TC2N: variants seen among roughly 807,000 people sequenced by gnomAD.
The protein encoded by TC2N is tandem C2 domains, nuclear.
In TC2N, 51 loss-of-function variants were observed where a neutral mutation model predicts 61.9. The observed-to-expected ratio is 0.82, with a 90% CI of 0.66 to 1.04. The LOEUF is 1.04. Among genes scored for constraint, TC2N ranks in the 50% least tolerant of loss-of-function variants. The probability of loss-of-function intolerance (pLI) is 0.00; values close to 1 mark genes in which losing one functional copy is unlikely to be tolerated. For missense variants in TC2N, 556 were observed against 566.7 expected (o/e 0.98, Z 0.19); for synonymous variants, 204 against 192.6 (o/e 1.06, Z -0.49).
rs1005167334 is a variant in TC2N at position 91,785,188 on chromosome 14, C to G, written c.1336G>C (p.Val446Leu). 3.7e-6 allele frequency: 6 copies of G among 1,613,240 alleles called. No individual in the cohort carries two copies. The African/African-American group carries it at 8.0e-5, about 22-fold the overall frequency. The change falls in exon 11 of 12, where the codon GTA (valine) becomes CTA (leucine). Residue 446 changes from valine to leucine, a missense_variant. Val to Leu is a conservative substitution (Grantham distance 32). Coordinates refer to ENST00000435962, the MANE Select transcript of TC2N (RefSeq NM_001128596.3). Reference sequence around the variant, plus strand: ...TGGCCCACAAAGTGTTTTCTTCTTACAGAGCTTCGACTGTAAAGCTTAATG... The same window carrying G: ...TGGCCCACAAAGTGTTTTCTTCTTAGAGAGCTTCGACTGTAAAGCTTAATG... ...FLIKLYSRSSVRRKHFVGQIW... is the reference protein window; with the variant it reads ...FLIKLYSRSSLRRKHFVGQIW...
At chr14:91,792,630 AT>A in intron 8 of TC2N, 72 bp from the exon 9 acceptor site, 1 of 696,556 alleles carries the variant, frequency 1.4e-6, no homozygotes, top group Non-Finnish European at 2.1e-6. Context: ...ATAATATTTT[AT>A]TTTATATTTA....
chr14:91,857,923 A>G (rs1021826275), intron 1 of TC2N, among the ~76,000 whole-genome samples: 1 of 152,148 alleles, frequency 6.6e-6, no homozygotes, highest in African/African-American at 2.4e-5. Flanking sequence ...CCCAGAACAG[A>G]GTAGAAGCTT....
chr14:91,809,440 A>T (rs991291313), intron 3 of TC2N, among the ~76,000 whole-genome samples: 1 of 152,130 alleles, frequency 6.6e-6, no homozygotes, highest in Non-Finnish European at 1.5e-5. Flanking sequence ...AATTTAAAAA[A>T]TCACTCCTAC....
intron 3 of TC2N, among the ~76,000 whole-genome samples, chr14:91,807,286 G>C (rs1886554261): frequency 6.6e-6 from 1 of 152,188 alleles, no homozygotes; most frequent in Non-Finnish European, 1.5e-5. Context: ...TAGTAGAGCT[G>C]TGAGAAGAAG....
chr14:91,831,961 T>A (rs1026633364), intron 1 of TC2N, among the ~76,000 whole-genome samples: 1 of 152,106 alleles, frequency 6.6e-6, no homozygotes, highest in Admixed American at 6.5e-5. Context: ...CAACTATATA[T>A]AAAACGTGTT....
chr14:91,814,569 GAGGTA>G (rs1886927477), intron 1 of TC2N, among the ~76,000 whole-genome samples: 2 of 150,730 alleles, frequency 1.3e-5, no homozygotes, highest in Non-Finnish European at 3.0e-5. Flanking sequence ...GATGGAGAAA[GAGGTA>G]AGAAAAGGAG....
chr14:91,791,464 T>C (rs900771950), intron 9 of TC2N, among the ~76,000 whole-genome samples: 1 of 152,178 alleles, frequency 6.6e-6, no homozygotes, highest in Non-Finnish European at 1.5e-5. Context: ...TTTATAAACA[T>C]TATCCTAACA....
chr14:91,806,957 C>T (rs191533154), intron 3 of TC2N, among the ~76,000 whole-genome samples: 2 of 152,320 alleles, frequency 1.3e-5, no homozygotes, highest in Non-Finnish European at 2.9e-5. Flanking sequence ...TGTGTGCAGC[C>T]TAGGGACTTG....
In TC2N at chr14:91,780,814, T is replaced by G. The variant is rs557258000; in HGVS notation, c.*2286A>C. The G allele has an allele frequency of 6.6e-6, 1 of 152,164 alleles. No individual in the cohort carries two copies. The highest frequency in any genetic ancestry group is 1.5e-5 in the Non-Finnish European group (1 of 68,002). The allele number at this position is 152,164 out of a possible 1,614,324, so 9.4% of individuals were successfully genotyped here. ...ATATGCATACCTATTAGCAGGAGATTGGATTTTTATTTATAGGTCCACATA... is the reference window on the plus strand; with the variant it reads ...ATATGCATACCTATTAGCAGGAGATGGGATTTTTATTTATAGGTCCACATA... On this transcript the variant is annotated 3_prime_UTR_variant, in exon 12 of 12. Transcript: ENST00000435962.
At chr14:91,845,232 AAAATAAATAAATAAATAAAT>A (rs3030732) in intron 1 of TC2N, among the ~76,000 whole-genome samples, 2,245 of 147,146 alleles carry the variant, frequency 0.015, 42 homozygotes, top group African/African-American at 0.044. Flanking sequence ...ACTCCATCTC[AAAATAAATAAATAAATAAAT>A]AAATAAATAA....
intron 3 of TC2N, among the ~76,000 whole-genome samples, chr14:91,808,156 T>C (rs1353099565): frequency 6.6e-6 from 1 of 152,212 alleles, no homozygotes; most frequent in Non-Finnish European, 1.5e-5. Context: ...CTCAGGTATG[T>C]ATTCATCAGC....
Position 91,862,754 on chromosome 14 carries a change from C to T in TC2N, c.-57+4508G>A, listed in dbSNP as rs920614381. Among the ~76,000 whole-genome samples the T allele has an allele frequency of 4.6e-5, 7 of 152,346 alleles. No homozygotes were observed. In the South Asian group the frequency reaches 1.4e-3, roughly 32 times the overall value. The stretch of plus-strand genomic sequence containing the variant: ...TATTGTTCCAAAACTTCTTGGAGTA[C>T]ACCTGGGAACTCTTCACCACCTACT... On this transcript the variant is annotated intron_variant, in intron 1 of 11. Coordinates refer to ENST00000435962, the MANE Select transcript of TC2N (RefSeq NM_001128596.3).
At chr14:91,866,792 C>T (rs1888711441) in intron 1 of TC2N, among the ~76,000 whole-genome samples, 1 of 152,222 alleles carries the variant, frequency 6.6e-6, no homozygotes, top group Non-Finnish European at 1.5e-5. Flanking sequence ...GATCAGAGAG[C>T]AGGCTCATCC....
At chr14:91,803,894 A>C (rs1429520600) in intron 3 of TC2N, among the ~76,000 whole-genome samples, 1 of 152,240 alleles carries the variant, frequency 6.6e-6, no homozygotes, top group Non-Finnish European at 1.5e-5. Flanking sequence ...ATATGCATCC[A>C]AGTACTAACC....
chr14:91,787,132 G>GAT (rs1247208017), intron 10 of TC2N, among the ~76,000 whole-genome samples: 2 of 152,040 alleles, frequency 1.3e-5, no homozygotes, highest in East Asian at 1.9e-4. Context: ...GTTTGTTTTT[G>GAT]ATATATATAT....
intron 1 of TC2N, among the ~76,000 whole-genome samples, chr14:91,853,498 T>C (rs1888416192): frequency 6.6e-6 from 1 of 152,246 alleles, no homozygotes; most frequent in African/African-American, 2.4e-5. Flanking sequence ...CCCAGGTAAG[T>C]GATTACAAAC....
intron 11 of TC2N, 61 bp from the exon 12 acceptor site, chr14:91,783,271 C>G: frequency 1.1e-6 from 1 of 892,178 alleles, no homozygotes; most frequent in South Asian, 1.6e-5. Context: ...TACATTCAGA[C>G]AGTTAGTTAC....
intron 1 of TC2N, among the ~76,000 whole-genome samples, chr14:91,860,679 C>T (rs1234878531): frequency 6.6e-6 from 1 of 152,226 alleles, no homozygotes; most frequent in Non-Finnish European, 1.5e-5. Context: ...GGTCTTCTTA[C>T]TGCCCTTCCC....
At chr14:91,835,311 G>A (rs1343487728) in intron 1 of TC2N, among the ~76,000 whole-genome samples, 1 of 152,122 alleles carries the variant, frequency 6.6e-6, no homozygotes, top group Non-Finnish European at 1.5e-5. Context: ...TCCAGAAAAA[G>A]CAATTTTTAA....
Sources: allele counts gnomAD v4.1 joint callset (sites outside exome capture counted in the v4.1 genomes callset), GRCh38; gene constraint gnomAD v4.1.1; transcripts MANE v1.5; gene names NCBI Gene and HGNC (gene_info 2026-07-23, HGNC 2026-07-21).